The following ABCB11 variants were observed in gnomAD, a reference collection of about 807,000 sequenced individuals.
ABCB11 encodes the protein bile salt export pump.
A neutral mutation model predicts 148.0 loss-of-function variants in ABCB11; 95 were observed. That is an observed-to-expected ratio of 0.64 (90% confidence interval 0.54 to 0.76). ABCB11 has a LOEUF of 0.76. ABCB11 is among the 30% of genes least tolerant of loss of function. ABCB11 has a pLI of 0.00. For synonymous variants in ABCB11, 591 were observed against 555.4 expected (o/e 1.06, Z -0.90); for missense variants, 1,523 against 1,617.8 (o/e 0.94, Z 1.01).
intron 3 of ABCB11, among the ~76,000 whole-genome samples, chr2:169,015,677 C>G (rs890735294): frequency 3.9e-5 from 6 of 152,140 alleles, no homozygotes; most frequent in Admixed American, 3.3e-4. Flanking sequence ...CCCCACCCCC[C>G]ACGCACCATT....
In ABCB11 at chr2:168,932,333, T is replaced by C. The variant is rs919779690; in HGVS notation, c.3213+44A>G. On this transcript the variant is annotated intron_variant, in intron 24 of 27. Transcript: ENST00000650372. ...TTCATCCCTGTCCCTGCAAAGGACA[T>C]GAACTCATCCTTTTTTATGGCTGCA... 1.1e-5 allele frequency: 16 copies of C among 1,501,432 alleles called. No individual in the cohort carries two copies. The African/African-American group carries it at 2.1e-4, about 20-fold the overall frequency. The allele number at this position is 1,501,432 out of a possible 1,614,324, so 93.0% of individuals were successfully genotyped here.
chr2:169,009,024 A>G (rs1695099624), intron 5 of ABCB11, among the ~76,000 whole-genome samples: 1 of 152,210 alleles, frequency 6.6e-6, no homozygotes, highest in Admixed American at 6.5e-5. Context: ...ATCTCAAAGG[A>G]TCACATATTA....
chr2:168,980,492 A>G (rs891429662), intron 10 of ABCB11, among the ~76,000 whole-genome samples: 1 of 152,182 alleles, frequency 6.6e-6, no homozygotes, highest in African/African-American at 2.4e-5. Flanking sequence ...TACTGCAACT[A>G]CTATGAATAA....
intron 26 of ABCB11, among the ~76,000 whole-genome samples, chr2:168,926,364 G>A (rs1476057430): frequency 6.6e-6 from 1 of 152,120 alleles, no homozygotes; most frequent in Admixed American, 6.6e-5. Context: ...ACCAGTGGCC[G>A]CTTTCATTGT....
chr2:168,986,137 T>C lies in ABCB11; in HGVS notation c.1056A>G (p.Gly352=). 6.2e-7 allele frequency: 1 copy of C among 1,611,550 alleles called. No individual in the cohort carries two copies. Among genetic ancestry groups the C allele is most frequent in the East Asian group, 2.2e-5 (1 of 44,740 alleles). ...GGACAAGGGTTCCTGGTGTATATTCTCCTTCATCCAGGACAAGTGTGGAGC... is the reference window on the plus strand; with the variant it reads ...GGACAAGGGTTCCTGGTGTATATTCCCCTTCATCCAGGACAAGTGTGGAGC... ...WYGSTLVLDE[G]EYTPGTLVQI... Residue 352 remains glycine, a synonymous_variant, in exon 10 of 28, where the codon GGA becomes GGG. Coordinates refer to ENST00000650372, the MANE Select transcript of ABCB11 (RefSeq NM_003742.4).
chr2:169,001,285 C>T (rs1041376248), intron 5 of ABCB11, among the ~76,000 whole-genome samples: 29 of 152,140 alleles, frequency 1.9e-4, no homozygotes, highest in African/African-American at 6.8e-4. Context: ...CTACGCACTC[C>T]CTTCCTGATG....
At chr2:168,996,202 T>C (rs550686621) in intron 6 of ABCB11, among the ~76,000 whole-genome samples, 2 of 152,166 alleles carry the variant, frequency 1.3e-5, no homozygotes, top group South Asian at 2.1e-4. Context: ...AAATATGCTC[T>C]AGATTCAGCC....
At chr2:169,014,849 A>G (rs1036062485) in intron 3 of ABCB11, among the ~76,000 whole-genome samples, 5 of 152,146 alleles carry the variant, frequency 3.3e-5, no homozygotes, top group African/African-American at 1.2e-4. Context: ...AATATTTCCC[A>G]TTCATTTCAT....
chr2:168,915,437 A>G (rs1292043690), downstream of ABCB11, among the ~76,000 whole-genome samples: 29 of 152,244 alleles, frequency 1.9e-4, no homozygotes, highest in Admixed American at 1.9e-3. Context: ...ATAAAGATCT[A>G]TTGAGTAAGA....
At chr2:169,027,847 C>A (rs968410305) in intron 1 of ABCB11, among the ~76,000 whole-genome samples, 1 of 151,912 alleles carries the variant, frequency 6.6e-6, no homozygotes, top group African/African-American at 2.4e-5. Flanking sequence ...ACAGGCTGAT[C>A]TTCACCAATG....
At chr2:168,924,528 C>T (rs1406265987) in intron 27 of ABCB11, 129 bp downstream of exon 27, 2 of 831,666 alleles carry the variant, frequency 2.4e-6, no homozygotes, top group Non-Finnish European at 3.6e-6. Context: ...CTTTTGGTTC[C>T]ACAAAGTATT....
intron 15 of ABCB11, 120 bp from the exon 16 acceptor site, chr2:168,969,671 T>A: frequency 1.1e-6 from 1 of 916,708 alleles, no homozygotes; most frequent in Non-Finnish European, 1.6e-6. Context: ...TATTCTTAAA[T>A]AGGCTGTGCA....
intron 19 of ABCB11, among the ~76,000 whole-genome samples, chr2:168,956,298 TTGG>T (rs1692788367): frequency 6.6e-6 from 1 of 151,652 alleles, no homozygotes; most frequent in Non-Finnish European, 1.5e-5. Context: ...GGATTACAAT[TTGG>T]CATGAGATTT....
Position 168,995,409 on chromosome 2 carries a change from C to T in ABCB11, c.551G>A (p.Arg184Lys). The change falls in exon 7 of 28, where the codon AGA becomes AAA. Residue 184 changes from arginine to lysine, a missense_variant. Physicochemically the swap from Arg to Lys is conservative, Grantham distance 26 (BLOSUM62 2). Coordinates refer to ENST00000650372, the MANE Select transcript of ABCB11 (RefSeq NM_003742.4). ...MRKFYFRRIM[R>K]MEIGWFDCNS... ...GCAGTCAAACCACCCTATTTCCATT[C>T]TCATTATTCTCCTAAAGTAAAATTT... 7 of 1,612,424 alleles carry T rather than the reference C, an allele frequency of 4.3e-6. No individual in the cohort carries two copies. The highest frequency in any genetic ancestry group is 5.9e-6 in the Non-Finnish European group (7 of 1,179,008).
intron 24 of ABCB11, 34 bp downstream of exon 24, chr2:168,932,343 C>A (rs1221365780): frequency 6.5e-7 from 1 of 1,533,210 alleles, no homozygotes; most frequent in Non-Finnish European, 8.8e-7. Flanking sequence ...TGAACTCATC[C>A]TTTTTTATGG....
At chr2:168,965,441 A>G (rs1212871651) in intron 17 of ABCB11, among the ~76,000 whole-genome samples, 1 of 150,838 alleles carries the variant, frequency 6.6e-6, no homozygotes, top group African/African-American at 2.4e-5. Flanking sequence ...CAACAGTGAA[A>G]TAGTAGAGCT....
At chr2:168,978,376 T>C (rs746810647) in intron 11 of ABCB11, among the ~76,000 whole-genome samples, 2 of 151,882 alleles carry the variant, frequency 1.3e-5, no homozygotes, top group African/African-American at 2.4e-5. Context: ...GCTCAAGCTA[T>C]CCTCCCGACT....
At chr2:168,981,010 T>C (rs3770590) in intron 10 of ABCB11, among the ~76,000 whole-genome samples, 71,937 of 152,038 alleles carry the variant, frequency 0.47, 17,692 homozygotes, top group South Asian at 0.56. Flanking sequence ...CACAGTCTAT[T>C]GCCAAGCCAA....
chr2:168,972,617 G>T (rs1693633728), intron 13 of ABCB11, among the ~76,000 whole-genome samples: 1 of 152,018 alleles, frequency 6.6e-6, no homozygotes, highest in Admixed American at 6.6e-5. Flanking sequence ...AGTTATGGTG[G>T]TAGGTAGTAA....
Sources: allele counts gnomAD v4.1 joint callset (sites outside exome capture counted in the v4.1 genomes callset), GRCh38; gene constraint gnomAD v4.1.1; transcripts MANE v1.5; gene names NCBI Gene and HGNC (gene_info 2026-07-23, HGNC 2026-07-21).